MBNL1: variants seen among roughly 807,000 people sequenced by gnomAD.
MBNL1 encodes the protein muscleblind-like protein 1.
MBNL1 carries 8 observed loss-of-function variants against 42.2 expected under a neutral mutation model. The observed-to-expected ratio is 0.19, with a 90% CI of 0.11 to 0.34. MBNL1 has a LOEUF of 0.34. Among genes scored for constraint, MBNL1 ranks in the 10% least tolerant of loss-of-function variants. MBNL1 has a pLI of 1.00. For missense variants in MBNL1, 309 were observed against 495.3 expected, an observed-to-expected ratio of 0.62 and a Z score of 3.57; for synonymous variants, 169 against 173.9, an observed-to-expected ratio of 0.97 and a Z score of 0.22.
At chr3:152,288,493 T>G (rs1430633760) in intron 1 of MBNL1, among the ~76,000 whole-genome samples, 10 of 152,190 alleles carry the variant, frequency 6.6e-5, no homozygotes, top group Non-Finnish European at 1.0e-4. Context: ...GTATAGCAGT[T>G]GTCAGAAACC....
At chr3:152,366,940 TAC>T (rs1034944170) in intron 2 of MBNL1, among the ~76,000 whole-genome samples, 1 of 152,154 alleles carries the variant, frequency 6.6e-6, no homozygotes, top group Non-Finnish European at 1.5e-5. Context: ...GAGAAAATAA[TAC>T]AGTGTTCATA....
intron 2 of MBNL1, among the ~76,000 whole-genome samples, chr3:152,336,286 G>C (rs1034654976): frequency 2.0e-5 from 3 of 151,714 alleles, no homozygotes; most frequent in African/African-American, 7.3e-5. Flanking sequence ...TGTTTAGATT[G>C]TTAAAAACTG....
At chr3:152,312,491 T>G (rs1577627664) in intron 2 of MBNL1, among the ~76,000 whole-genome samples, 1 of 152,332 alleles carries the variant, frequency 6.6e-6, no homozygotes, top group East Asian at 1.9e-4. Flanking sequence ...ATCAGTTGGG[T>G]AAATCCCTTA....
At chr3:152,397,568 T>C (rs532862567) in intron 2 of MBNL1, among the ~76,000 whole-genome samples, 37 of 152,322 alleles carry the variant, frequency 2.4e-4, no homozygotes, top group South Asian at 4.1e-4. Context: ...TAGTATTCCA[T>C]GGTGTATATG....
intron 2 of MBNL1, among the ~76,000 whole-genome samples, chr3:152,374,784 C>CCCACT (rs1266432655): frequency 6.6e-6 from 1 of 152,188 alleles, no homozygotes; most frequent in Non-Finnish European, 1.5e-5. Flanking sequence ...AATTGCCACA[C>CCCACT]CCACTGTCTT....
Position 152,432,719 on chromosome 3 carries a change from A to G in MBNL1, c.348A>G (p.Pro116=), listed in dbSNP as rs1259294638. The change falls in exon 4 of 10, where the codon CCA becomes CCG. Residue 116 remains proline, a splice_region_variant and synonymous_variant. Transcript: ENST00000324210. ...TTTGCTTTTATTTTATTTTTCAGCC[A>G]ATGTTTTCAGTTGCACCAAGCTTAG... The part of the protein sequence containing the change: ...MMPGAPLQPV[P]MFSVAPSLAT... 1 of 1,613,984 alleles carries G rather than the reference A, an allele frequency of 6.2e-7. No individual in the cohort carries two copies. The highest frequency in any genetic ancestry group is 1.7e-5 in the Admixed American group (1 of 60,014).
intron 2 of MBNL1, among the ~76,000 whole-genome samples, chr3:152,321,216 G>A (rs2076285470): frequency 6.6e-6 from 1 of 151,996 alleles, no homozygotes; most frequent in African/African-American, 2.4e-5. Flanking sequence ...ACTTTGAAGA[G>A]GATCATCAGG....
intron 2 of MBNL1, among the ~76,000 whole-genome samples, chr3:152,377,950 C>T (rs955279236): frequency 2.0e-4 from 30 of 152,036 alleles, no homozygotes; most frequent in African/African-American, 6.0e-4. Flanking sequence ...TTGAAGGAAA[C>T]GATATTATTT....
At chr3:152,276,901 G>T (rs1489442880) in intron 1 of MBNL1, among the ~76,000 whole-genome samples, 1 of 152,046 alleles carries the variant, frequency 6.6e-6, no homozygotes, top group Non-Finnish European at 1.5e-5. Context: ...GATGAGGGGA[G>T]TGGCCCTAGA....
intron 4 of MBNL1, among the ~76,000 whole-genome samples, chr3:152,444,669 T>C (rs888490724): frequency 6.6e-6 from 1 of 152,214 alleles, no homozygotes; most frequent in Admixed American, 6.5e-5. Flanking sequence ...ATCTACAGAC[T>C]TTAATCAAAT....
chr3:152,348,633 T>C (rs563516351), intron 2 of MBNL1, among the ~76,000 whole-genome samples: 24 of 152,218 alleles, frequency 1.6e-4, no homozygotes, highest in East Asian at 5.8e-4. Flanking sequence ...GGGCAGTTAG[T>C]ACTATCCTAA....
chr3:152,301,743 G>A (rs1191367992), intron 2 of MBNL1, among the ~76,000 whole-genome samples: 1 of 152,168 alleles, frequency 6.6e-6, no homozygotes, highest in African/African-American at 2.4e-5. Flanking sequence ...CACAGTGGTT[G>A]TACCTCCGTG....
At chr3:152,319,614 GTTTTTTTTTT>G (rs202070328) in intron 2 of MBNL1, among the ~76,000 whole-genome samples, 34 of 80,534 alleles carry the variant, frequency 4.2e-4, no homozygotes, top group African/African-American at 7.7e-4. Flanking sequence ...GTTCTATACT[GTTTTTTTTTT>G]TTTTTTTTTT....
At chr3:152,247,650 ACAT>A (rs1465187471) in intron 2 of MBNL1, among the ~76,000 whole-genome samples, 2 of 152,006 alleles carry the variant, frequency 1.3e-5, no homozygotes, top group Non-Finnish European at 2.9e-5. Context: ...TATTTGTCTG[ACAT>A]CATTGATGCT....
intron 1 of MBNL1, among the ~76,000 whole-genome samples, chr3:152,294,504 T>G (rs2057679522): frequency 6.6e-6 from 1 of 152,094 alleles, no homozygotes; most frequent in African/African-American, 2.4e-5. Context: ...CAGGATGATC[T>G]TGATCTCCTG....
At chr3:152,444,662 T>C (rs943983414) in intron 4 of MBNL1, among the ~76,000 whole-genome samples, 1 of 152,230 alleles carries the variant, frequency 6.6e-6, no homozygotes. Context: ...TTAACCAATC[T>C]ACAGACTTTA....
chr3:152,403,912 A>G (rs1560461690), intron 2 of MBNL1, among the ~76,000 whole-genome samples: 1 of 152,120 alleles, frequency 6.6e-6, no homozygotes, highest in Non-Finnish European at 1.5e-5. Flanking sequence ...TGTTTTCTCC[A>G]TGGGGACAGA....
chr3:152,423,516 T>C (rs1251976631), intron 3 of MBNL1, among the ~76,000 whole-genome samples: 1 of 152,164 alleles, frequency 6.6e-6, no homozygotes, highest in East Asian at 1.9e-4. Context: ...AAAGAGGAGC[T>C]GGTACCATTC....
intron 2 of MBNL1, chr3:152,340,548 C>T (rs1168932063): frequency 6.2e-7 from 1 of 1,610,902 alleles, no homozygotes; most frequent in East Asian, 2.2e-5. Context: ...TGAGTCCAAG[C>T]TGAGACATAG....
Sources: allele counts gnomAD v4.1 joint callset (sites outside exome capture counted in the v4.1 genomes callset), GRCh38; gene constraint gnomAD v4.1.1; transcripts MANE v1.5; gene names NCBI Gene and HGNC (gene_info 2026-07-23, HGNC 2026-07-21).